Variants in TMEM117 observed in about 807,000 individuals in gnomAD.
TMEM117 encodes transmembrane protein 117.
TMEM117 carries 27 observed loss-of-function variants against 52.4 expected under a neutral mutation model. That is an observed-to-expected ratio of 0.51 (90% confidence interval 0.38 to 0.71). The LOEUF is 0.71. Among genes scored for constraint, TMEM117 ranks in the 30% least tolerant of loss-of-function variants. TMEM117 has a pLI of 0.00. For synonymous variants in TMEM117, 215 were observed against 206.3 expected, an observed-to-expected ratio of 1.04 and a Z score of -0.36; for missense variants, 556 against 630.5, an observed-to-expected ratio of 0.88 and a Z score of 1.26.
intron 3 of TMEM117, among the ~76,000 whole-genome samples, chr12:44,126,517 G>A (rs1486045882): frequency 6.6e-6 from 1 of 152,134 alleles, no homozygotes; most frequent in Non-Finnish European, 1.5e-5. Context: ...TTCATATAAT[G>A]CCTTGAAACT....
chr12:44,067,234 C>G (rs1947234453), intron 3 of TMEM117, among the ~76,000 whole-genome samples: 2 of 152,186 alleles, frequency 1.3e-5, no homozygotes, highest in Admixed American at 6.5e-5. Flanking sequence ...AAGCCATCCA[C>G]AAGGGTTGGA....
chr12:44,389,060 T>G lies in TMEM117; in HGVS notation c.*388T>G. The G allele has an allele frequency of 6.3e-6, 1 of 157,512 alleles. No individual in the cohort carries two copies. The highest frequency in any genetic ancestry group is 1.8e-4 in the East Asian group (1 of 5,690). The allele number at this position is 157,512 out of a possible 1,614,324, so 9.8% of individuals were successfully genotyped here. ...ACCTAACCTATTTCACATGGGCGTT[T>G]TGTATACAACTATTTTGATCTACAC... On this transcript the variant is annotated 3_prime_UTR_variant, in exon 8 of 8. Coordinates refer to ENST00000266534, the MANE Select transcript of TMEM117 (RefSeq NM_032256.3).
chr12:43,830,847 C>G, the TMEM117 span, among the ~76,000 whole-genome samples: 1 of 152,098 alleles, frequency 6.6e-6, no homozygotes, highest in Non-Finnish European at 1.5e-5. Context: ...TTTTTAATCC[C>G]TCTAAGACAT....
intron 5 of TMEM117, among the ~76,000 whole-genome samples, chr12:44,229,809 G>C (rs1949910236): frequency 6.6e-6 from 1 of 152,088 alleles, no homozygotes; most frequent in Non-Finnish European, 1.5e-5. Flanking sequence ...ATTTGTTATA[G>C]ATTACATGCA....
chr12:44,100,217 C>T (rs867017029), intron 3 of TMEM117, among the ~76,000 whole-genome samples: 3 of 151,854 alleles, frequency 2.0e-5, no homozygotes, highest in African/African-American at 7.3e-5. Flanking sequence ...GCCCCATAAA[C>T]GTGCCAGATG....
chr12:44,022,317 C>A (rs1298298077), intron 3 of TMEM117, among the ~76,000 whole-genome samples: 1 of 152,102 alleles, frequency 6.6e-6, no homozygotes, highest in Non-Finnish European at 1.5e-5. Context: ...GACAGAAAGG[C>A]TGTAAAACAA....
chr12:43,982,780 A>G (rs893857781), intron 3 of TMEM117, among the ~76,000 whole-genome samples: 1 of 152,204 alleles, frequency 6.6e-6, no homozygotes, highest in Non-Finnish European at 1.5e-5. Flanking sequence ...GCCAAATAGA[A>G]CACAGAGCGT....
At chr12:44,317,733 T>C (rs1035031975) in intron 6 of TMEM117, among the ~76,000 whole-genome samples, 2 of 152,222 alleles carry the variant, frequency 1.3e-5, no homozygotes, top group African/African-American at 4.8e-5. Context: ...GGCCAGTAGA[T>C]GGCACTTATG....
At chr12:43,808,722 A>T in the TMEM117 span, among the ~76,000 whole-genome samples, 2 of 149,452 alleles carry the variant, frequency 1.3e-5, no homozygotes, top group Non-Finnish European at 3.0e-5. Flanking sequence ...ATGTGGGAGG[A>T]TCACTTGAGT....
intron 5 of TMEM117, among the ~76,000 whole-genome samples, chr12:44,240,246 G>T (rs1950045318): frequency 6.6e-6 from 1 of 152,126 alleles, no homozygotes; most frequent in Non-Finnish European, 1.5e-5. Flanking sequence ...GGTCACAGTA[G>T]ATGCTTGAAA....
At chr12:44,236,710 G>A (rs1022854412) in intron 5 of TMEM117, among the ~76,000 whole-genome samples, 8 of 152,010 alleles carry the variant, frequency 5.3e-5, no homozygotes, top group African/African-American at 1.4e-4. Context: ...ACTTTATAGC[G>A]GTAATTTCAG....
At chr12:43,875,038 G>T (rs891633404) in intron 2 of TMEM117, among the ~76,000 whole-genome samples, 2 of 152,176 alleles carry the variant, frequency 1.3e-5, no homozygotes, top group African/African-American at 4.8e-5. Flanking sequence ...TACAAACTGT[G>T]TTAATTATCT....
At chr12:43,880,866 A>G (rs758500802) in intron 2 of TMEM117, among the ~76,000 whole-genome samples, 1 of 152,226 alleles carries the variant, frequency 6.6e-6, no homozygotes, top group Non-Finnish European at 1.5e-5. Context: ...TTTTGTTAAG[A>G]ATAGTTTTGT....
rs186413502 is a variant in TMEM117 at position 44,052,425 on chromosome 12, G to A, written c.411-91100G>A. Among the ~76,000 whole-genome samples the A allele has an allele frequency of 2.7e-3, 418 of 152,282 alleles. 4 individuals carry two copies. Among genetic ancestry groups the A allele is most frequent in the African/African-American group, 9.4e-3 (392 of 41,560 alleles). ...AAAGAACAAGGAGGGTAAGGAACAGGAGAAGTCATAATTGAGTGTGGCAGT... is the reference window on the plus strand; with the variant it reads ...AAAGAACAAGGAGGGTAAGGAACAGAAGAAGTCATAATTGAGTGTGGCAGT... On this transcript the variant is annotated intron_variant, in intron 3 of 7. Transcript: ENST00000266534.
intron 3 of TMEM117, among the ~76,000 whole-genome samples, chr12:43,997,044 A>C (rs1404684198): frequency 6.6e-6 from 1 of 152,180 alleles, no homozygotes; most frequent in Non-Finnish European, 1.5e-5. Flanking sequence ...CTTTTTGTTG[A>C]CGCTAGTTTG....
chr12:44,125,204 A>G lies in TMEM117; in HGVS notation c.411-18321A>G, dbSNP rs545927216. On this transcript the variant is annotated intron_variant, in intron 3 of 7. Coordinates refer to ENST00000266534, the MANE Select transcript of TMEM117 (RefSeq NM_032256.3). ...ACTGCAACCTCTGCCTGCCGGGTTCACGCCATTCTCCTGCCTCAGCCTCCG... is the reference window on the plus strand; with the variant it reads ...ACTGCAACCTCTGCCTGCCGGGTTCGCGCCATTCTCCTGCCTCAGCCTCCG... Among the ~76,000 whole-genome samples the G allele has an allele frequency of 5.9e-5, 9 of 152,176 alleles. No homozygotes were observed. The South Asian group carries it at 1.9e-3, about 32-fold the overall frequency.
the TMEM117 span, among the ~76,000 whole-genome samples, chr12:43,827,854 G>A: frequency 6.6e-6 from 1 of 152,130 alleles, no homozygotes. Context: ...TTTGGAGTGA[G>A]CCCTAAACCC....
At chr12:43,974,083 G>A (rs1945634144) in intron 3 of TMEM117, among the ~76,000 whole-genome samples, 1 of 152,150 alleles carries the variant, frequency 6.6e-6, no homozygotes, top group South Asian at 2.1e-4. Context: ...ATTGAATCAA[G>A]TAACTTTTTC....
chr12:44,050,208 A>C (rs537146725), intron 3 of TMEM117, among the ~76,000 whole-genome samples: 1 of 152,314 alleles, frequency 6.6e-6, no homozygotes, highest in East Asian at 1.9e-4. Flanking sequence ...ACGGAGTCTC[A>C]TTCTGTCACC....
Sources: gnomAD v4.1 joint callset for allele counts (sites outside exome capture counted in the v4.1 genomes callset) on GRCh38, gnomAD v4.1.1 for gene constraint, MANE v1.5 for transcripts, NCBI Gene and HGNC (gene_info 2026-07-23, HGNC 2026-07-21) for gene names.